The following DAAM1 variants were observed in gnomAD, a reference collection of about 807,000 sequenced individuals.
DAAM1 encodes dishevelled associated activator of morphogenesis 1, also known as disheveled-associated activator of morphogenesis 1.
A neutral mutation model predicts 130.0 loss-of-function variants in DAAM1; 52 were observed. The ratio of observed to expected loss-of-function variants is 0.40; its 90% CI spans 0.32 to 0.50. The LOEUF (loss-of-function observed/expected upper bound fraction) is 0.50. Among genes scored for constraint, DAAM1 ranks in the 20% least tolerant of loss-of-function variants. The pLI is 0.61. For missense variants in DAAM1, 1,134 were observed against 1,303.8 expected (o/e 0.87, Z 2.01); for synonymous variants, 452 against 444.5 (o/e 1.02, Z -0.21).
chr14:59,221,503 G>A (rs892615149), intron 1 of DAAM1, among the ~76,000 whole-genome samples: 10 of 152,128 alleles, frequency 6.6e-5, no homozygotes, highest in Admixed American at 5.2e-4. Flanking sequence ...TTATCTGGTC[G>A]GGTGGCTTAA....
intron 15 of DAAM1, among the ~76,000 whole-genome samples, chr14:59,339,643 A>G (rs1203214285): frequency 6.6e-6 from 1 of 152,148 alleles, no homozygotes; most frequent in East Asian, 1.9e-4. Context: ...TTGAGTGCTC[A>G]CAATGCAGAT....
intron 17 of DAAM1, 66 bp downstream of exon 17, chr14:59,347,689 A>T: frequency 1.4e-6 from 2 of 1,470,782 alleles, no homozygotes; most frequent in Non-Finnish European, 1.9e-6. Context: ...AGGGATGTTG[A>T]GAACATCCGG....
In DAAM1 at chr14:59,355,276, A is replaced by G; in HGVS notation, c.2468A>G (p.Tyr823Cys). The G allele has an allele frequency of 1.2e-6, 2 of 1,614,146 alleles. No individual in the cohort carries two copies. Among genetic ancestry groups the G allele is most frequent in the South Asian group, 1.1e-5 (1 of 91,074 alleles). ...AATAAAGGTCAAAGAGGGAATGCAT[A>G]TGGATTCAAGATATCTAGCCTAAAC... ...YMNKGQRGNA[Y>C]GFKISSLNKI... Residue 823 changes from tyrosine (Y) to cysteine (C), a missense_variant, in exon 20 of 25, where the codon TAT becomes TGT. Physicochemically the swap from Tyr to Cys is radical, Grantham distance 194 (BLOSUM62 -2). Coordinates refer to ENST00000360909, the MANE Select transcript of DAAM1 (RefSeq NM_001270520.2).
chr14:59,237,198 A>C (rs932519305), intron 1 of DAAM1, among the ~76,000 whole-genome samples: 2 of 152,214 alleles, frequency 1.3e-5, no homozygotes, highest in African/African-American at 4.8e-5. Flanking sequence ...TTTAGTTTTC[A>C]GCCAGGGAAA....
intron 1 of DAAM1, among the ~76,000 whole-genome samples, chr14:59,220,297 T>G (rs554331687): frequency 6.6e-6 from 1 of 152,354 alleles, no homozygotes; most frequent in East Asian, 1.9e-4. Context: ...TTGTTACCTA[T>G]ACTTAACCTA....
intron 16 of DAAM1, among the ~76,000 whole-genome samples, chr14:59,346,291 C>T (rs981876109): frequency 1.3e-5 from 2 of 152,190 alleles, no homozygotes; most frequent in African/African-American, 4.8e-5. Context: ...GCCTGTCTTA[C>T]ACCAAAGCCC....
chr14:59,209,991 A>C (rs1888378814), intron 1 of DAAM1, among the ~76,000 whole-genome samples: 1 of 152,050 alleles, frequency 6.6e-6, no homozygotes, highest in Non-Finnish European at 1.5e-5. Flanking sequence ...AAAAAAGTAG[A>C]TGGGCATGGT....
At chr14:59,324,055 G>C (rs1390942777) in intron 6 of DAAM1, 73 bp from the exon 7 acceptor site, 1 of 1,020,586 alleles carries the variant, frequency 9.8e-7, no homozygotes, top group African/African-American at 1.7e-5. Context: ...GTTAACTTTT[G>C]AGTATAAAAA....
intron 1 of DAAM1, among the ~76,000 whole-genome samples, chr14:59,189,486 G>T (rs1040188889): frequency 1.3e-5 from 2 of 152,156 alleles, no homozygotes; most frequent in Admixed American, 6.5e-5. Flanking sequence ...GGCTTTTGCC[G>T]CCCGTCCCTC....
chr14:59,276,592 G>C (rs1283864605), intron 2 of DAAM1, among the ~76,000 whole-genome samples: 1 of 152,218 alleles, frequency 6.6e-6, no homozygotes, highest in Non-Finnish European at 1.5e-5. Context: ...GGGCTTGTGG[G>C]AAACCCTTTC....
intron 1 of DAAM1, among the ~76,000 whole-genome samples, chr14:59,263,034 G>A (rs1001381418): frequency 2.6e-5 from 4 of 152,138 alleles, no homozygotes; most frequent in African/African-American, 7.2e-5. Flanking sequence ...AATCAGTCTG[G>A]AATCAGACTT....
At chr14:59,238,342 T>G (rs1012431058) in intron 1 of DAAM1, among the ~76,000 whole-genome samples, 2 of 152,224 alleles carry the variant, frequency 1.3e-5, no homozygotes, top group Non-Finnish European at 2.9e-5. Flanking sequence ...TAATTGGAAG[T>G]GCCCTTATGT....
At chr14:59,339,083 A>G (rs1885745350) in intron 15 of DAAM1, among the ~76,000 whole-genome samples, 1 of 152,230 alleles carries the variant, frequency 6.6e-6, no homozygotes, top group Non-Finnish European at 1.5e-5. Context: ...GTAGGAAAGT[A>G]CGTAGAATTT....
intron 1 of DAAM1, among the ~76,000 whole-genome samples, chr14:59,194,882 G>A (rs1306355997): frequency 6.6e-6 from 1 of 152,218 alleles, no homozygotes; most frequent in Admixed American, 6.5e-5. Context: ...TGCAGTTGGT[G>A]CGATTTCGTG....
intron 1 of DAAM1, among the ~76,000 whole-genome samples, chr14:59,238,539 T>C (rs1889375854): frequency 6.6e-6 from 1 of 152,158 alleles, no homozygotes; most frequent in African/African-American, 2.4e-5. Context: ...CCTCCTTCTG[T>C]GTGTTCCCAT....
In DAAM1 at chr14:59,330,517, A is replaced by G. The variant is rs941884; in HGVS notation, c.1389A>G (p.Gln463=). The change falls in exon 13 of 25, where the codon CAA becomes CAG. Residue 463 remains glutamine, a synonymous_variant. Transcript: ENST00000360909. ...CTCGTGTAGAGCACAATGAGCTACA[A>G]CAGAAACTGGAAAAGAAAGAACGAG... is the stretch of plus-strand genomic sequence containing the variant. ...EKMRKEHNEL[Q]QKLEKKEREC... 1,045,625 of 1,608,940 alleles carry G rather than the reference A, an allele frequency of 0.65. 341,480 individuals are homozygous for G. Among genetic ancestry groups the G allele is most frequent in the East Asian group, 0.82 (36,849 of 44,764 alleles).
At chr14:59,293,214 A>T (rs2139568748) in intron 3 of DAAM1, among the ~76,000 whole-genome samples, 1 of 152,348 alleles carries the variant, frequency 6.6e-6, no homozygotes, top group South Asian at 2.1e-4. Context: ...GCAGGAAAAT[A>T]GGAGCAGCTT....
At position 59,363,646 on chromosome 14, in the gene DAAM1, T is replaced by C; in HGVS notation, c.2695-5T>C. On this transcript the variant is annotated splice_region_variant and splice_polypyrimidine_tract_variant and intron_variant, in intron 22 of 24. Transcript: ENST00000360909. ...CATTGACATTATTCATTTCCTGTGT[T>C]TAAGGAGCTGGAATATCAGAAGTCT... 6.2e-7 allele frequency: 1 copy of C among 1,614,030 alleles called. No homozygotes were observed. Among genetic ancestry groups the C allele is most frequent in the East Asian group, 2.2e-5 (1 of 44,880 alleles).
At position 59,368,801 on chromosome 14, in the gene DAAM1, T is replaced by TTACC; in HGVS notation, c.3150_3153dup (p.Asn1052TyrfsTer6). On this transcript the variant is annotated frameshift_variant, in exon 25 of 25. Coordinates refer to ENST00000360909, the MANE Select transcript of DAAM1 (RefSeq NM_001270520.2). LOFTEE classifies it high-confidence loss of function. ...AAATTGAAACGGAATCGCAAACGTA[T>TTACC]TACCAACCAGATGACTGACAGCAGC... 6.2e-7 allele frequency: 1 copy of TTACC among 1,613,988 alleles called. No homozygotes were observed. The highest frequency in any genetic ancestry group is 1.1e-5 in the South Asian group (1 of 91,074).
Sources: gnomAD v4.1 joint callset for allele counts (sites outside exome capture counted in the v4.1 genomes callset) on GRCh38, gnomAD v4.1.1 for gene constraint, MANE v1.5 for transcripts, NCBI Gene and HGNC (gene_info 2026-07-23, HGNC 2026-07-21) for gene names.